Variants in CTSC observed in about 807,000 individuals in gnomAD.
The protein encoded by CTSC is dipeptidyl peptidase 1.
A neutral mutation model predicts 40.9 loss-of-function variants in CTSC; 37 were observed. The observed-to-expected ratio is 0.91, with a 90% CI of 0.70 to 1.19. CTSC has a LOEUF of 1.19. Among genes scored for constraint, CTSC ranks in the 50% most tolerant of loss-of-function variants. CTSC has a pLI of 0.00. For synonymous variants in CTSC, 232 were observed against 207.4 expected, an observed-to-expected ratio of 1.12 and a Z score of -1.02; for missense variants, 594 against 567.3, an observed-to-expected ratio of 1.05 and a Z score of -0.48.
At chr11:88,316,475 CTAAATAAA>C (rs4002985) in intron 2 of CTSC, among the ~76,000 whole-genome samples, 3 of 145,022 alleles carry the variant, frequency 2.1e-5, no homozygotes, top group African/African-American at 7.6e-5. Context: ...GATCCATTCT[CTAAATAAA>C]TAAATAAATA....
At chr11:88,310,895 C>T (rs1937740538) in intron 3 of CTSC, among the ~76,000 whole-genome samples, 1 of 34,552 alleles carries the variant, frequency 2.9e-5, no homozygotes, top group Non-Finnish European at 5.1e-5. Flanking sequence ...GGAGCAGTAG[C>T]CTGCTGTTTC....
intron 3 of CTSC, among the ~76,000 whole-genome samples, chr11:88,310,429 CTG>C (rs1266843252): frequency 2.6e-5 from 4 of 151,718 alleles, no homozygotes; most frequent in African/African-American, 9.7e-5. Context: ...AAAAAAGAGT[CTG>C]TGGTTTCAGA....
intron 2 of CTSC, chr11:88,334,604 T>C: frequency 1.0e-5 from 3 of 289,228 alleles, no homozygotes; most frequent in South Asian, 1.0e-4. Context: ...CCTACAGATT[T>C]AGAACAAAGC....
Position 88,333,210 on chromosome 11 carries a change from C to T in CTSC, c.318+1727G>A, listed in dbSNP as rs117020419. ...ATTAAATAATGATTTTAGAAGTTTC[C>T]CCACCAGTTTCTCCAATTCTGCAGA... On this transcript the variant is annotated intron_variant, in intron 2 of 6. Coordinates refer to ENST00000227266, the MANE Select transcript of CTSC (RefSeq NM_001814.6). 8.8e-3 allele frequency among the ~76,000 whole-genome samples: 1,337 copies of T among 152,198 alleles called. 14 individuals carry two copies. Among genetic ancestry groups the T allele is most frequent in the South Asian group, 1.0e-2 (48 of 4,810 alleles).
In CTSC at chr11:88,294,102, G is replaced by C. The variant is rs1247469522; in HGVS notation, c.1296C>G (p.Gly432=). 6.2e-7 allele frequency: 1 copy of C among 1,613,978 alleles called. No individual in the cohort carries two copies. The highest frequency in any genetic ancestry group is 1.1e-5 in the South Asian group (1 of 91,080). ...TCCGGAAGTAGCCATTCTCACCCCA[G>C]CCGGTGCCCCAGCTGTTTTTAACAA... ...YWIVKNSWGT[G]WGENGYFRIR... is the part of the protein sequence containing the mutation. The change falls in exon 7 of 7, where the codon GGC becomes GGG. Residue 432 remains glycine (G), a synonymous_variant. Coordinates refer to ENST00000227266, the MANE Select transcript of CTSC (RefSeq NM_001814.6).
chr11:88,321,140 T>C (rs182376878), intron 2 of CTSC: 18 of 606,468 alleles, frequency 3.0e-5, no homozygotes, highest in Admixed American at 1.3e-4. Context: ...TATATACATA[T>C]ATATTTTAAA....
chr11:88,309,364 T>C (rs1339977441), intron 3 of CTSC, 46 bp from the exon 4 acceptor site: 2 of 1,495,042 alleles, frequency 1.3e-6, no homozygotes, highest in East Asian at 2.3e-5. Flanking sequence ...TTTACTGATG[T>C]AAATAGAGTA....
chr11:88,310,579 G>A (rs1937732021), intron 3 of CTSC, among the ~76,000 whole-genome samples: 1 of 152,104 alleles, frequency 6.6e-6, no homozygotes, highest in Non-Finnish European at 1.5e-5. Flanking sequence ...TTTTGATATG[G>A]TCTAAAAACC....
intron 5 of CTSC, chr11:88,296,647 C>T (rs1278013321): frequency 2.2e-5 from 7 of 320,324 alleles, no homozygotes; most frequent in African/African-American, 8.7e-5. Flanking sequence ...GAGGAATACA[C>T]GTGAGCTGAG....
chr11:88,315,221 C>T (rs1415368242), intron 2 of CTSC, among the ~76,000 whole-genome samples: 3 of 152,070 alleles, frequency 2.0e-5, no homozygotes. Context: ...CTCCCTCCCA[C>T]CTCTGCTGTT....
chr11:88,300,912 T>TGA (rs1421266935), intron 4 of CTSC, among the ~76,000 whole-genome samples: 1 of 152,174 alleles, frequency 6.6e-6, no homozygotes, highest in African/African-American at 2.4e-5. Flanking sequence ...CACTGTGATG[T>TGA]TATTTTTAGT....
intron 5 of CTSC, among the ~76,000 whole-genome samples, chr11:88,300,211 T>G (rs1565251707): frequency 6.6e-6 from 1 of 152,188 alleles, no homozygotes; most frequent in Non-Finnish European, 1.5e-5. Flanking sequence ...ACACAATTCT[T>G]TGCTTCTACT....
In CTSC at chr11:88,294,526, A is replaced by G. The variant is rs954306221; in HGVS notation, c.890-18T>C. The G allele has an allele frequency of 6.2e-7, 1 of 1,613,858 alleles. No homozygotes were observed. Among genetic ancestry groups the G allele is most frequent in the African/African-American group, 1.3e-5 (1 of 75,046 alleles). On this transcript the variant is annotated intron_variant, in intron 6 of 6. Transcript: ENST00000227266. ...TTCACAGCCTGAAGATGAATAACACACATGGTTACCCCTTAGTAGAAAAAG... is the reference window on the plus strand; with the variant it reads ...TTCACAGCCTGAAGATGAATAACACGCATGGTTACCCCTTAGTAGAAAAAG...
chr11:88,294,374 A>G lies in CTSC; in HGVS notation c.1024T>C (p.Ser342Pro). ...KMKEDCFRYYSSEYHYVGGFY... is the reference protein window; with the variant it reads ...KMKEDCFRYYPSEYHYVGGFY... ...CCTCCTACATAGTGGTACTCAGAGG[A>G]GTAATAACGAAAGCAGTCTTCCTTC... Residue 342 changes from serine to proline, a missense_variant, in exon 7 of 7, where the codon TCC becomes CCC. Ser to Pro is a moderately conservative substitution (Grantham distance 74, BLOSUM62 -1). Transcript: ENST00000227266. The G allele has an allele frequency of 6.2e-7, 1 of 1,614,142 alleles. No individual in the cohort carries two copies. The highest frequency in any genetic ancestry group is 8.5e-7 in the Non-Finnish European group (1 of 1,180,014).
chr11:88,328,262 A>G, intron 2 of CTSC: 2 of 1,167,916 alleles, frequency 1.7e-6, no homozygotes, highest in South Asian at 1.2e-5. Context: ...ATGAAAGAAG[A>G]CATAAAATAG....
In CTSC at chr11:88,294,445, T is replaced by C. The variant is rs1057001996; in HGVS notation, c.953A>G (p.Glu318Gly). Residue 318 changes from glutamate (E) to glycine (G), a missense_variant, in exon 7 of 7, where the codon GAA becomes GGA. Glu to Gly is a moderately conservative substitution (Grantham distance 98). Coordinates refer to ENST00000227266, the MANE Select transcript of CTSC (RefSeq NM_001814.6). Reference sequence around the variant, plus strand: ...GCCTGTGTAGGGGAAGCAAGCTTCTTCCACCAGCCCAAAATCTTGGGCGTA... The same window carrying C: ...GCCTGTGTAGGGGAAGCAAGCTTCTCCCACCAGCCCAAAATCTTGGGCGTA... ...GKYAQDFGLV[E>G]EACFPYTGTD... 6 of 1,614,044 alleles carry C rather than the reference T, an allele frequency of 3.7e-6. No individual in the cohort carries two copies. Among genetic ancestry groups the C allele is most frequent in the Non-Finnish European group, 5.1e-6 (6 of 1,180,028 alleles).
chr11:88,323,691 T>C (rs1938095517), intron 2 of CTSC: 1 of 151,768 alleles, frequency 6.6e-6, no homozygotes, highest in Non-Finnish European at 1.5e-5. Flanking sequence ...GAGAATAAAA[T>C]ATCTAGGAAT....
intron 6 of CTSC, 41 bp from the exon 7 acceptor site, chr11:88,294,549 A>T (rs1351114094): frequency 6.2e-7 from 1 of 1,610,786 alleles, no homozygotes; most frequent in Non-Finnish European, 8.5e-7. Flanking sequence ...TTAGTAGAAA[A>T]AGGATTATCC....
At chr11:88,335,879 G>A (rs1006294375) in intron 1 of CTSC, among the ~76,000 whole-genome samples, 8 of 152,292 alleles carry the variant, frequency 5.3e-5, no homozygotes, top group Non-Finnish European at 8.8e-5. Flanking sequence ...AGAAGAAATG[G>A]GGTACCTTTC....
Sources: allele counts gnomAD v4.1 joint callset (sites outside exome capture counted in the v4.1 genomes callset), GRCh38; gene constraint gnomAD v4.1.1; transcripts MANE v1.5; gene names NCBI Gene and HGNC (gene_info 2026-07-23, HGNC 2026-07-21).